CNOT7: variants seen among roughly 807,000 people sequenced by gnomAD.
CNOT7 encodes the protein CCR4-NOT transcription complex subunit 7, also known as BTG1-binding factor 1.
Under a neutral mutation model 37.1 loss-of-function variants are expected in CNOT7, and 4 were observed. That is an observed-to-expected ratio of 0.11 (90% CI 0.05 to 0.25). The LOEUF (loss-of-function observed/expected upper bound fraction) is 0.25. Ranked by LOEUF, CNOT7 falls within the 10% of genes least tolerant of loss-of-function variation. The probability of loss-of-function intolerance (pLI) is 1.00; values close to 1 mark genes in which losing one functional copy is unlikely to be tolerated. For missense variants in CNOT7, 170 were observed against 336.2 expected, an observed-to-expected ratio of 0.51 and a Z score of 3.87; for synonymous variants, 128 against 115.6, an observed-to-expected ratio of 1.11 and a Z score of -0.69.
intron 4 of CNOT7, among the ~76,000 whole-genome samples, chr8:17,236,913 C>A (rs992218700): frequency 3.9e-5 from 6 of 152,130 alleles, no homozygotes; most frequent in African/African-American, 1.4e-4. Context: ...TAAAAGAAAA[C>A]CCTGGGTAAC....
rs867342972 is a variant in CNOT7 at position 17,241,068 on chromosome 8, T to C, written c.311+1924A>G. Among the ~76,000 whole-genome samples the C allele has an allele frequency of 8.5e-5, 13 of 152,284 alleles. No individual in the cohort carries two copies. The South Asian group carries it at 1.2e-3, about 15-fold the overall frequency. On this transcript the variant is annotated intron_variant, in intron 3 of 6. Coordinates refer to ENST00000361272, the MANE Select transcript of CNOT7 (RefSeq NM_013354.7). ...GTTCTGTAGACTGTGCGTGTGTGTA[T>C]AGATACAGGTATTTTTAGAGACAAA... is the stretch of plus-strand genomic sequence containing the variant.
At chr8:17,245,402 C>T (rs1810790283) in intron 1 of CNOT7, among the ~76,000 whole-genome samples, 155 bp from the exon 2 acceptor site, 1 of 151,896 alleles carries the variant, frequency 6.6e-6, no homozygotes, top group East Asian at 1.9e-4. Flanking sequence ...GGTCACACAG[C>T]TAGTCTATAG....
At chr8:17,235,904 C>G (rs994057739) in intron 4 of CNOT7, among the ~76,000 whole-genome samples, 1 of 152,082 alleles carries the variant, frequency 6.6e-6, no homozygotes, top group Non-Finnish European at 1.5e-5. Flanking sequence ...TTTTGTTCAT[C>G]TTAATACCCA....
chr8:17,229,434 A>T lies in CNOT7; in HGVS notation c.*1286T>A, dbSNP rs1416747196. On this transcript the variant is annotated 3_prime_UTR_variant, in exon 7 of 7. Coordinates refer to ENST00000361272, the MANE Select transcript of CNOT7 (RefSeq NM_013354.7). ...TTACTGATTGAAGTGTAGGTAACAC[A>T]CATTATAACTTGTAGTCCATCATTT... is the stretch of plus-strand genomic sequence containing the variant. 1 of 152,340 alleles carries T rather than the reference A, an allele frequency of 6.6e-6. No individual in the cohort carries two copies. Among genetic ancestry groups the T allele is most frequent in the East Asian group, 1.9e-4 (1 of 5,192 alleles). The allele number at this position is 152,340 out of a possible 1,614,324, so 9.4% of individuals were successfully genotyped here. A position where few individuals can be genotyped will look rare whatever the true frequency, so the allele number is the denominator to read the frequency against.
At chr8:17,244,126 G>C (rs1810563288) in intron 2 of CNOT7, among the ~76,000 whole-genome samples, 1 of 152,160 alleles carries the variant, frequency 6.6e-6, no homozygotes, top group Non-Finnish European at 1.5e-5. Context: ...GGAGAGAAAG[G>C]ATTAAAACAC....
rs1374989258 is a variant in CNOT7, at chr8:17,230,389, TAA to T, written c.*329_*330del. On this transcript the variant is annotated 3_prime_UTR_variant, in exon 7 of 7. Coordinates refer to ENST00000361272, the MANE Select transcript of CNOT7 (RefSeq NM_013354.7). ...GAAATAAATTACAGTCAGTGCTAGT[TAA>T]TTTAGGAAAAGGGAAAAATAAACCA... The T allele has an allele frequency of 1.8e-5, 3 of 164,432 alleles. No homozygotes were observed. The highest frequency in any genetic ancestry group is 2.6e-5 in the Non-Finnish European group (2 of 76,118). 10.2% of individuals were successfully genotyped at this position (164,432 alleles called of 1,614,324 possible).
chr8:17,234,905 T>A (rs1362945846), intron 4 of CNOT7, 45 bp from the exon 5 acceptor site: 1 of 1,535,766 alleles, frequency 6.5e-7, no homozygotes, highest in Non-Finnish European at 8.8e-7. Flanking sequence ...ATATAAATAC[T>A]ATAAAGATTA....
At chr8:17,235,540 A>T (rs1809231853) in intron 4 of CNOT7, among the ~76,000 whole-genome samples, 1 of 152,106 alleles carries the variant, frequency 6.6e-6, no homozygotes, top group African/African-American at 2.4e-5. Context: ...CATAAAATGC[A>T]AACTCCTACA....
At position 17,244,929 on chromosome 8, in the gene CNOT7, T is replaced by C; in HGVS notation, c.117+107A>G. The C allele has an allele frequency of 9.8e-6, 9 of 922,344 alleles. No individual in the cohort carries two copies. In the South Asian group the frequency reaches 1.5e-4, roughly 16 times the overall value. The allele number at this position is 922,344 out of a possible 1,614,324, so 57.1% of individuals were successfully genotyped here. A position where few individuals can be genotyped will look rare whatever the true frequency, so the allele number is the denominator to read the frequency against. ...CAGTGACAAATTTTACTTTTCATGG[T>C]GAAATTAATCCCTAAAAATATCAAC... On this transcript the variant is annotated intron_variant, in intron 2 of 6. Transcript: ENST00000361272.
chr8:17,240,191 C>G (rs561511154), intron 3 of CNOT7, among the ~76,000 whole-genome samples: 2 of 152,206 alleles, frequency 1.3e-5, no homozygotes, highest in Non-Finnish European at 2.9e-5. Context: ...CAAATGACTT[C>G]TTCTACCTAA....
At chr8:17,239,346 C>G (rs897775401) in intron 3 of CNOT7, among the ~76,000 whole-genome samples, 37 of 152,172 alleles carry the variant, frequency 2.4e-4, no homozygotes, top group African/African-American at 8.7e-4. Context: ...GAATGGGCTA[C>G]TGCATCCAGC....
intron 3 of CNOT7, among the ~76,000 whole-genome samples, chr8:17,240,233 C>G (rs1318266885): frequency 6.6e-6 from 1 of 152,244 alleles, no homozygotes; most frequent in African/African-American, 2.4e-5. Flanking sequence ...CCTTAAACAT[C>G]TCCTAACATC....
rs1808471062 is a variant in CNOT7, at chr8:17,230,435, T to A, written c.*285A>T. ...TAAACCAAACTCAAGTCGGTAAAGT[T>A]TATCAAAATATTCAATGATGTAGCT... On this transcript the variant is annotated 3_prime_UTR_variant, in exon 7 of 7. Transcript: ENST00000361272. 5.0e-6 allele frequency: 1 copy of A among 201,608 alleles called. No individual in the cohort carries two copies. The highest frequency in any genetic ancestry group is 1.1e-4 in the East Asian group (1 of 9,198). 12.5% of individuals were successfully genotyped at this position (201,608 alleles called of 1,614,324 possible).
chr8:17,232,266 T>C, intron 6 of CNOT7, 161 bp downstream of exon 6: 4 of 1,468,134 alleles, frequency 2.7e-6, no homozygotes, highest in Non-Finnish European at 3.6e-6. Flanking sequence ...TCAAGATGAC[T>C]TATTTTTGAA....
Position 17,245,258 on chromosome 8 carries a change from A to T in CNOT7, c.-95-11T>A. Reference sequence around the variant, plus strand: ...CCTTTATTTATGTACCTGTCAAAATAAAAAAACAATATGAAGACCAGATAT... The same window carrying T: ...CCTTTATTTATGTACCTGTCAAAATTAAAAAACAATATGAAGACCAGATAT... On this transcript the variant is annotated splice_polypyrimidine_tract_variant and intron_variant, in intron 1 of 6. Transcript: ENST00000361272. 2 of 1,219,926 alleles carry T rather than the reference A, an allele frequency of 1.6e-6. No homozygotes were observed. The highest frequency in any genetic ancestry group is 1.1e-6 in the Non-Finnish European group (1 of 917,204). 75.6% of individuals were successfully genotyped at this position (1,219,926 alleles called of 1,614,324 possible).
At chr8:17,235,633 C>T (rs947329645) in intron 4 of CNOT7, among the ~76,000 whole-genome samples, 2 of 152,214 alleles carry the variant, frequency 1.3e-5, no homozygotes, top group Non-Finnish European at 2.9e-5. Context: ...CACTTAGACA[C>T]GTCCGTCCCT....
intron 3 of CNOT7, among the ~76,000 whole-genome samples, chr8:17,238,040 C>T (rs1429726683): frequency 1.3e-5 from 2 of 152,156 alleles, no homozygotes; most frequent in Admixed American, 1.3e-4. Context: ...TAAATATAAA[C>T]CAATTCTTCA....
At chr8:17,234,492 T>C (rs1037569898) in intron 5 of CNOT7, 22 of 494,482 alleles carry the variant, frequency 4.4e-5, no homozygotes, top group African/African-American at 7.8e-5. Context: ...AAGCCTGAAA[T>C]GTGTTGAAAA....
At chr8:17,237,121 A>C in intron 4 of CNOT7, 91 bp downstream of exon 4, 2 of 1,275,516 alleles carry the variant, frequency 1.6e-6, no homozygotes, top group South Asian at 2.7e-5. Context: ...TTCCAGAATT[A>C]AACCTGAAAT....
Sources: allele counts gnomAD v4.1 joint callset (sites outside exome capture counted in the v4.1 genomes callset), GRCh38; gene constraint gnomAD v4.1.1; transcripts MANE v1.5; gene names NCBI Gene and HGNC (gene_info 2026-07-23, HGNC 2026-07-21).